LCMT2: variants seen among roughly 807,000 people sequenced by gnomAD.
LCMT2 encodes the protein tRNA wybutosine-synthesizing protein 4.
LCMT2 carries 34 observed loss-of-function variants against 42.0 expected under a neutral mutation model. That is an observed-to-expected ratio of 0.81 (90% CI 0.62 to 1.08). The LOEUF is 1.08. Ranked by LOEUF, LCMT2 falls within the 50% of genes least tolerant of loss-of-function variation. The pLI, the probability that LCMT2 is intolerant of heterozygous loss-of-function variation, is 0.00. For missense variants in LCMT2, 1,091 were observed against 889.4 expected (o/e 1.23, Z -2.88); for synonymous variants, 445 against 369.5 (o/e 1.20, Z -2.34).
Position 43,329,698 on chromosome 15 carries a change from G to A in LCMT2, c.792C>T (p.Thr264=). The part of the protein sequence containing the change: ...QRRRFLQAGW[T]ACGAVDMNEF... Reference sequence around the variant, plus strand: ...CATTCATGTCCACGGCACCGCAGGCGGTCCAGCCAGCTTGAAGGAAGCGGC... The same window carrying A: ...CATTCATGTCCACGGCACCGCAGGCAGTCCAGCCAGCTTGAAGGAAGCGGC... The change falls in exon 1 of 1, where the codon ACC becomes ACT. Residue 264 remains threonine, a synonymous_variant. Transcript: ENST00000305641. 6.2e-7 allele frequency: 1 copy of A among 1,613,458 alleles called. No individual in the cohort carries two copies. The highest frequency in any genetic ancestry group is 1.6e-4 in the Middle Eastern group (1 of 6,062).
In LCMT2 at chr15:43,330,127, G is replaced by A. The variant is rs2043165346; in HGVS notation, c.363C>T (p.Arg121=). 3 of 1,612,010 alleles carry A rather than the reference G, an allele frequency of 1.9e-6. No homozygotes were observed. The East Asian group carries it at 6.7e-5, about 36-fold the overall frequency. The part of the protein sequence containing the change: ...WEVDFPDVAR[R]KAERIGETPE... ...GCGTCTCTCCAATCCTTTCTGCTTT[G>A]CGCCGCGCCACGTCCGGAAAATCCA... The change falls in exon 1 of 1, where the codon CGC becomes CGT. Residue 121 remains arginine (R), a synonymous_variant. Coordinates refer to ENST00000305641, the MANE Select transcript of LCMT2 (RefSeq NM_014793.5).
Position 43,327,489 on chromosome 15 carries a change from GTCTTC to G in LCMT2, c.*935_*939del, listed in dbSNP as rs2043123978. ...TGGGATGATGCAGAATTAGAACTCTGTCTTCAGGAAAGGATTACACGGCAGGAGCT... is the reference window on the plus strand; with the variant it reads ...TGGGATGATGCAGAATTAGAACTCTGAGGAAAGGATTACACGGCAGGAGCT... On this transcript the variant is annotated 3_prime_UTR_variant, in exon 1 of 1. Coordinates refer to ENST00000305641, the MANE Select transcript of LCMT2 (RefSeq NM_014793.5). 1 of 152,216 alleles carries G rather than the reference GTCTTC, an allele frequency of 6.6e-6. No homozygotes were observed. The highest frequency in any genetic ancestry group is 2.1e-4 in the South Asian group (1 of 4,830). 9.4% of individuals were successfully genotyped at this position (152,216 alleles called of 1,614,324 possible). A position where few individuals can be genotyped will look rare whatever the true frequency, so the allele number is the denominator to read the frequency against.
chr15:43,330,562 A>G lies in LCMT2; in HGVS notation c.-73T>C, dbSNP rs1173169778. ...CCCTTGGTTAGCACACACCTCACGGACCTCGGTAGGGGGAAAAAAACCACC... is the reference window on the plus strand; with the variant it reads ...CCCTTGGTTAGCACACACCTCACGGGCCTCGGTAGGGGGAAAAAAACCACC... On this transcript the variant is annotated 5_prime_UTR_variant, in exon 1 of 1. Transcript: ENST00000305641. 5 of 1,464,152 alleles carry G rather than the reference A, an allele frequency of 3.4e-6. No homozygotes were observed. The highest frequency in any genetic ancestry group is 4.5e-6 in the Non-Finnish European group (5 of 1,110,456). 90.7% of individuals were successfully genotyped at this position (1,464,152 alleles called of 1,614,324 possible).
rs771265742 is a variant in LCMT2 at position 43,330,084 on chromosome 15, T to C, written c.406A>G (p.Thr136Ala). ...GGCTCCCCCCTCTCGAAAGGCCCGG[T>C]TAACGCGCACAGCTCTGGCGTCTCT... The part of the protein sequence containing the change: ...IGETPELCAL[T>A]GPFERGEPAS... The change falls in exon 1 of 1, where the codon ACC becomes GCC. Residue 136 changes from threonine to alanine, a missense_variant. Coordinates refer to ENST00000305641, the MANE Select transcript of LCMT2 (RefSeq NM_014793.5). 7 of 1,612,102 alleles carry C rather than the reference T, an allele frequency of 4.3e-6. No individual in the cohort carries two copies. The highest frequency in any genetic ancestry group is 1.7e-4 in the Middle Eastern group (1 of 6,060).
Position 43,329,483 on chromosome 15 carries a change from G to C in LCMT2, c.1007C>G (p.Ser336Trp). Residue 336 changes from serine to tryptophan, a missense_variant, in exon 1 of 1, where the codon TCG becomes TGG. Physicochemically the swap from Ser to Trp is radical, Grantham distance 177. Coordinates refer to ENST00000305641, the MANE Select transcript of LCMT2 (RefSeq NM_014793.5). ...GCTGGCAGGGAATACCCCTGAAGGC[G>C]AAGCAGGATTTACGCGAGGAAATGC... Reference protein sequence around the residue: ...SEAFPRVNPASPSGVFPASVV... With the variant: ...SEAFPRVNPAWPSGVFPASVV... The C allele has an allele frequency of 6.2e-7, 1 of 1,614,220 alleles. No homozygotes were observed. Among genetic ancestry groups the C allele is most frequent in the Non-Finnish European group, 8.5e-7 (1 of 1,180,038 alleles).
Position 43,329,487 on chromosome 15 carries a change from C to A in LCMT2, c.1003G>T (p.Ala335Ser). 6.2e-7 allele frequency: 1 copy of A among 1,614,200 alleles called. No homozygotes were observed. Residue 335 changes from alanine (A) to serine (S), a missense_variant, in exon 1 of 1, where the codon GCT becomes TCT. Ala to Ser is a moderately conservative substitution (Grantham distance 99). Transcript: ENST00000305641. ...SSEAFPRVNPASPSGVFPASV... is the reference protein window; with the variant it reads ...SSEAFPRVNPSSPSGVFPASV... ...GCAGGGAATACCCCTGAAGGCGAAG[C>A]AGGATTTACGCGAGGAAATGCCTCT...
chr15:43,328,437 C>T lies in LCMT2; in HGVS notation c.2053G>A (p.Gly685Arg), dbSNP rs956369189. 2 of 1,613,016 alleles carry T rather than the reference C, an allele frequency of 1.2e-6. No individual in the cohort carries two copies. The highest frequency in any genetic ancestry group is 1.3e-5 in the African/African-American group (1 of 74,868). The part of the protein sequence containing the change: ...VTLDLSSLSA[G>R]Q ...GAATATTAGTCCAGTCCTTACTGCC[C>T]AGCACTTAAGGAAGAAAGGTCTAAT... Residue 685 changes from glycine (G) to arginine (R), a missense_variant, in exon 1 of 1, where the codon GGG becomes AGG. Transcript: ENST00000305641.
chr15:43,328,833 C>G lies in LCMT2; in HGVS notation c.1657G>C (p.Gly553Arg). The G allele has an allele frequency of 1.2e-6, 2 of 1,613,554 alleles. No individual in the cohort carries two copies. Among genetic ancestry groups the G allele is most frequent in the Non-Finnish European group, 1.7e-6 (2 of 1,180,004 alleles). ...GAGTTCAATGGCTCCTCAGAAGCCC[C>G]GAGACCTCCAGCAATAAGGGCTCCC... ...QGGALIAGGL[G>R]ASEEPLNSVL... The change falls in exon 1 of 1, where the codon GGG becomes CGG. Residue 553 changes from glycine to arginine, a missense_variant. Transcript: ENST00000305641.
In LCMT2 at chr15:43,326,971, T is replaced by A. The variant is rs1474705005; in HGVS notation, c.*1458A>T. ...CTAGGACTAAGAAGAAATACTAAAG[T>A]AATACACTTATTACCACCAAAGCCA... On this transcript the variant is annotated 3_prime_UTR_variant, in exon 1 of 1. Coordinates refer to ENST00000305641, the MANE Select transcript of LCMT2 (RefSeq NM_014793.5). The A allele has an allele frequency of 6.6e-6, 1 of 152,250 alleles. No homozygotes were observed. Among genetic ancestry groups the A allele is most frequent in the Admixed American group, 6.5e-5 (1 of 15,284 alleles). 9.4% of individuals were successfully genotyped at this position (152,250 alleles called of 1,614,324 possible). A position where few individuals can be genotyped will look rare whatever the true frequency, so the allele number is the denominator to read the frequency against.
Position 43,330,046 on chromosome 15 carries a change from C to G in LCMT2, c.444G>C (p.Leu148=), listed in dbSNP as rs376923558. ...PFERGEPASA[L]CFESADYCIL... ...TGCAGTAGTCTGCGCTCTCAAAGCA[C>G]AGCGCGGACGCGGGCTCCCCCCTCT... is the stretch of plus-strand genomic sequence containing the variant. Residue 148 remains leucine, a synonymous_variant, in exon 1 of 1, where the codon CTG becomes CTC. Transcript: ENST00000305641. 6.8e-6 allele frequency: 11 copies of G among 1,612,592 alleles called. No homozygotes were observed. The South Asian group carries it at 7.7e-5, about 11-fold the overall frequency.
At position 43,329,770 on chromosome 15, in the gene LCMT2, GGA is replaced by G. The variant is rs749183854; in HGVS notation, c.718_719del (p.Ser240ProfsTer10). On this transcript the variant is annotated frameshift_variant, in exon 1 of 1. Coordinates refer to ENST00000305641, the MANE Select transcript of LCMT2 (RefSeq NM_014793.5). LOFTEE classifies it high-confidence loss of function. The stretch of plus-strand genomic sequence containing the variant: ...GAAAACGCTCCAGGCCATGCAGGGG[GGA>G]GTTTAGCTGCCGAAAATGTTGCAGC... ...FMLQHFRQLN[S>X]PLHGLERFPD... 3 of 1,613,830 alleles carry G rather than the reference GGA, an allele frequency of 1.9e-6. No individual in the cohort carries two copies. Among genetic ancestry groups the G allele is most frequent in the Non-Finnish European group, 2.5e-6 (3 of 1,180,044 alleles).
Position 43,329,727 on chromosome 15 carries a change from G to C in LCMT2, c.763C>G (p.Arg255Gly), listed in dbSNP as rs141122465. The change falls in exon 1 of 1, where the codon CGG becomes GGG. Residue 255 changes from arginine (R) to glycine (G), a missense_variant. Arg to Gly is a moderately radical substitution (Grantham distance 125). Coordinates refer to ENST00000305641, the MANE Select transcript of LCMT2 (RefSeq NM_014793.5). ...LERFPDVEAQ[R>G]RRFLQAGWTA... ...CAGCCAGCTTGAAGGAAGCGGCGCC[G>C]CTGCGCCTCCACGTCAGGAAAACGC... is the stretch of plus-strand genomic sequence containing the variant. 12 of 1,613,214 alleles carry C rather than the reference G, an allele frequency of 7.4e-6. 1 individual carries two copies. The highest frequency in any genetic ancestry group is 4.4e-5 in the South Asian group (4 of 91,086).
In LCMT2 at chr15:43,328,450, A is replaced by G; in HGVS notation, c.2040T>C (p.Ser680=). The change falls in exon 1 of 1, where the codon TCT becomes TCC. Residue 680 remains serine (S), a synonymous_variant. Coordinates refer to ENST00000305641, the MANE Select transcript of LCMT2 (RefSeq NM_014793.5). ...GTCCTTACTGCCCAGCACTTAAGGA[A>G]GAAAGGTCTAATGTGACTGTATGGG... is the stretch of plus-strand genomic sequence containing the variant. ...FNPHTVTLDL[S]SLSAGQ is the part of the protein sequence containing the mutation. 3 of 1,613,980 alleles carry G rather than the reference A, an allele frequency of 1.9e-6. No individual in the cohort carries two copies. Among genetic ancestry groups the G allele is most frequent in the Non-Finnish European group, 2.5e-6 (3 of 1,179,926 alleles).
rs1386959511 is a variant in LCMT2, at chr15:43,329,945, G to A, written c.545C>T (p.Pro182Leu). The A allele has an allele frequency of 1.2e-6, 2 of 1,612,492 alleles. No individual in the cohort carries two copies. Among genetic ancestry groups the A allele is most frequent in the Admixed American group, 1.7e-5 (1 of 59,992 alleles). ...CACCGCCTCGGCCAGGAGCAGAGTG[G>A]GTGAGGCTGCGTCGAGCCCCGCGGC... ...LGAAGLDAAS[P>L]TLLLAEAVLT... The change falls in exon 1 of 1, where the codon CCC becomes CTC. Residue 182 changes from proline (P) to leucine (L), a missense_variant. By Grantham distance (98) the Pro-to-Leu change is moderately conservative. Transcript: ENST00000305641.
Position 43,324,052 on chromosome 15 carries a change from T to C in LCMT2, c.*4377A>G, listed in dbSNP as rs1466435486. The C allele has an allele frequency of 6.6e-6, 1 of 152,162 alleles. No homozygotes were observed. The highest frequency in any genetic ancestry group is 1.5e-5 in the Non-Finnish European group (1 of 68,034). The allele number at this position is 152,162 out of a possible 1,614,324, so 9.4% of individuals were successfully genotyped here. ...ATAAGTAAGCAGTCTTGTAACTGCT[T>C]ACTTACATGTGGGATGACAGAATTC... On this transcript the variant is annotated 3_prime_UTR_variant, in exon 1 of 1. Coordinates refer to ENST00000305641, the MANE Select transcript of LCMT2 (RefSeq NM_014793.5).
At position 43,327,601 on chromosome 15, in the gene LCMT2, T is replaced by G. The variant is rs1229746916; in HGVS notation, c.*828A>C. 6.6e-6 allele frequency: 1 copy of G among 152,252 alleles called. No homozygotes were observed. Among genetic ancestry groups the G allele is most frequent in the Non-Finnish European group, 1.5e-5 (1 of 68,060 alleles). The allele number at this position is 152,252 out of a possible 1,614,324, so 9.4% of individuals were successfully genotyped here. On this transcript the variant is annotated 3_prime_UTR_variant, in exon 1 of 1. Coordinates refer to ENST00000305641, the MANE Select transcript of LCMT2 (RefSeq NM_014793.5). Reference sequence around the variant, plus strand: ...ATTGGGAATAAATACCAACTCACTCTCACTCTTCTTTTTGCCCCCATTCCC... The same window carrying G: ...ATTGGGAATAAATACCAACTCACTCGCACTCTTCTTTTTGCCCCCATTCCC...
In LCMT2 at chr15:43,326,404, T is replaced by C. The variant is rs567796209; in HGVS notation, c.*2025A>G. On this transcript the variant is annotated 3_prime_UTR_variant, in exon 1 of 1. Transcript: ENST00000305641. ...TCATAGCCATAACCAATGCTTTCCC[T>C]AGAAATGGCTCTTACAAAGTCTCAG... 1.3e-5 allele frequency: 2 copies of C among 152,208 alleles called. No homozygotes were observed. The highest frequency in any genetic ancestry group is 6.5e-5 in the Admixed American group (1 of 15,296). The allele number at this position is 152,208 out of a possible 1,614,324, so 9.4% of individuals were successfully genotyped here. A position where few individuals can be genotyped will look rare whatever the true frequency, so the allele number is the denominator to read the frequency against.
rs998798008 is a variant in LCMT2 at position 43,328,284 on chromosome 15, C to T, written c.*145G>A. On this transcript the variant is annotated 3_prime_UTR_variant, in exon 1 of 1. Transcript: ENST00000305641. The stretch of plus-strand genomic sequence containing the variant: ...CTAGGTATTTTACCTATTTTACCAA[C>T]CTTTTTCACTTTTTGCACTGAATAG... 4.6e-6 allele frequency: 4 copies of T among 871,266 alleles called. No individual in the cohort carries two copies. The highest frequency in any genetic ancestry group is 3.4e-4 in the Middle Eastern group (1 of 2,956). The allele number at this position is 871,266 out of a possible 1,614,324, so 54.0% of individuals were successfully genotyped here.
In LCMT2 at chr15:43,324,445, C is replaced by T. The variant is rs973948197; in HGVS notation, c.*3984G>A. 6.6e-6 allele frequency: 1 copy of T among 151,732 alleles called. No individual in the cohort carries two copies. The highest frequency in any genetic ancestry group is 1.5e-5 in the Non-Finnish European group (1 of 67,970). 9.4% of individuals were successfully genotyped at this position (151,732 alleles called of 1,614,324 possible). A position where few individuals can be genotyped will look rare whatever the true frequency, so the allele number is the denominator to read the frequency against. On this transcript the variant is annotated 3_prime_UTR_variant, in exon 1 of 1. Coordinates refer to ENST00000305641, the MANE Select transcript of LCMT2 (RefSeq NM_014793.5). The stretch of plus-strand genomic sequence containing the variant: ...CAGCCTGACCAACATGGTGAAACCC[C>T]ATCTCTACTAAAAATAAATAAAAAA...
Sources: allele counts gnomAD v4.1 joint callset, GRCh38; gene constraint gnomAD v4.1.1; transcripts MANE v1.5; gene names NCBI Gene and HGNC (gene_info 2026-07-23, HGNC 2026-07-21).